The following HERC2 variants were observed in gnomAD, a reference collection of about 807,000 sequenced individuals.
HERC2 encodes the protein E3 ubiquitin-protein ligase HERC2.
HERC2 carries 102 observed loss-of-function variants against 537.7 expected under a neutral mutation model. The ratio of observed to expected loss-of-function variants is 0.19; its 90% confidence interval spans 0.16 to 0.22. The LOEUF (loss-of-function observed/expected upper bound fraction) is 0.22, where lower values mean the gene tolerates loss of function less well. Ranked by LOEUF, HERC2 falls within the 10% of genes least tolerant of loss-of-function variation. The pLI is 1.00. For synonymous variants in HERC2, 2,224 were observed against 2,466.2 expected (o/e 0.90, Z 2.91); for missense variants, 4,236 against 6,198.2 (o/e 0.68, Z 10.63).
intron 21 of HERC2, among the ~76,000 whole-genome samples, chr15:28,247,452 G>A (rs568980404): frequency 6.6e-5 from 7 of 106,336 alleles, no homozygotes; most frequent in East Asian, 3.1e-4. Context: ...TTTTGAGACC[G>A]AGTTTCACTC....
chr15:28,274,455 C>T lies in HERC2; in HGVS notation c.644-8G>A. The T allele has an allele frequency of 6.2e-7, 1 of 1,603,934 alleles. No individual in the cohort carries two copies. Among genetic ancestry groups the T allele is most frequent in the Non-Finnish European group, 8.5e-7 (1 of 1,175,548 alleles). ...AGAGGTCCGCATCCTCGCCTGGGCGCACACACGCGTCAGAGGAGCCCCCCC... is the reference window on the plus strand; with the variant it reads ...AGAGGTCCGCATCCTCGCCTGGGCGTACACACGCGTCAGAGGAGCCCCCCC... On this transcript the variant is annotated splice_polypyrimidine_tract_variant and splice_region_variant and intron_variant, in intron 6 of 92. Transcript: ENST00000261609.
chr15:28,168,614 T>C lies in HERC2; in HGVS notation c.10230-24A>G, dbSNP rs1056977099. 2.5e-6 allele frequency: 4 copies of C among 1,602,848 alleles called. No individual in the cohort carries two copies. The African/African-American group carries it at 4.0e-5, about 16-fold the overall frequency. ...CTCTGTCAGGACACAAAGCCAGGCCTGTGGTGAGCTGCCCCTTCTCCACTG... is the reference window on the plus strand; with the variant it reads ...CTCTGTCAGGACACAAAGCCAGGCCCGTGGTGAGCTGCCCCTTCTCCACTG... On this transcript the variant is annotated intron_variant, in intron 66 of 92. Coordinates refer to ENST00000261609, the MANE Select transcript of HERC2 (RefSeq NM_004667.6).
chr15:28,303,416 C>T (rs908366318), intron 2 of HERC2, among the ~76,000 whole-genome samples: 1 of 152,074 alleles, frequency 6.6e-6, no homozygotes, highest in Non-Finnish European at 1.5e-5. Context: ...TTCTAGTAAA[C>T]TTTGCACTTG....
chr15:28,198,831 T>G, intron 48 of HERC2, 62 bp from the exon 49 acceptor site: 1 of 1,403,104 alleles, frequency 7.1e-7, no homozygotes, highest in African/African-American at 1.4e-5. Context: ...TGAGCCATGA[T>G]AAGTAGTATT....
At chr15:28,212,055 C>G (rs1437417082) in intron 43 of HERC2, among the ~76,000 whole-genome samples, 1 of 152,168 alleles carries the variant, frequency 6.6e-6, no homozygotes, top group Admixed American at 6.5e-5. Flanking sequence ...GCAAGCCAGG[C>G]GCTTCCGGGA....
rs986278028 is a variant in HERC2 at position 28,238,619 on chromosome 15, G to A, written c.3731C>T (p.Thr1244Ile). Residue 1244 changes from threonine (T) to isoleucine (I), a missense_variant, in exon 24 of 93, where the codon ACA becomes ATA. Thr to Ile is a moderately conservative substitution (Grantham distance 89). This residue lies in a region of HERC2 where 754 missense variants were observed against 1,085.0 expected (regional missense o/e 0.69). Transcript: ENST00000261609. Reference protein sequence around the residue: ...DIKDFQTQSLTGNSILAQFAG... With the variant: ...DIKDFQTQSLIGNSILAQFAG... ...AATCTTACCAAGAATACTATTTCCT[G>A]TTAACGACTGTGTCTGGAAGTCCTT... is the stretch of plus-strand genomic sequence containing the variant. 6.2e-7 allele frequency: 1 copy of A among 1,610,842 alleles called. No homozygotes were observed. Among genetic ancestry groups the A allele is most frequent in the Non-Finnish European group, 8.5e-7 (1 of 1,179,042 alleles).
intron 35 of HERC2, 27 bp downstream of exon 35, chr15:28,228,191 A>C (rs758222873): frequency 6.2e-7 from 1 of 1,600,598 alleles, no homozygotes; most frequent in Non-Finnish European, 8.5e-7. Context: ...CATTTTCCCA[A>C]AGGCGCTCAA....
chr15:28,134,443 T>C (rs1890408424), intron 79 of HERC2, among the ~76,000 whole-genome samples: 1 of 152,220 alleles, frequency 6.6e-6, no homozygotes, highest in Admixed American at 6.5e-5. Flanking sequence ...ACAATCTAGA[T>C]GCCTTTTATT....
At chr15:28,253,835 G>A (rs756883857) in intron 20 of HERC2, among the ~76,000 whole-genome samples, 15 of 151,918 alleles carry the variant, frequency 9.9e-5, no homozygotes, top group Non-Finnish European at 1.6e-4. Flanking sequence ...GGTTGCGGAC[G>A]CCTGTAGTCC....
intron 34 of HERC2, among the ~76,000 whole-genome samples, chr15:28,228,812 G>A (rs1460755557): frequency 6.6e-6 from 1 of 152,138 alleles, no homozygotes; most frequent in Non-Finnish European, 1.5e-5. Flanking sequence ...GAATACTCTG[G>A]TGCCCTATTC....
At chr15:28,293,381 T>C (rs1373951473) in intron 3 of HERC2, among the ~76,000 whole-genome samples, 2 of 150,818 alleles carry the variant, frequency 1.3e-5, no homozygotes, top group East Asian at 3.9e-4. Context: ...TAGTCCCAGC[T>C]ACTCAGGAGG....
In HERC2 at chr15:28,198,386, A is replaced by G; in HGVS notation, c.8003T>C (p.Val2668Ala). The G allele has an allele frequency of 6.2e-7, 1 of 1,611,502 alleles. No individual in the cohort carries two copies. Among genetic ancestry groups the G allele is most frequent in the Non-Finnish European group, 8.5e-7 (1 of 1,179,704 alleles). ...TACCCAGATAATATTACCTTTCACA[A>G]CCCCCACACTCTGATGAGTCACAGA... The part of the protein sequence containing the change: ...WGSVTHQSVG[V>A]VKAFSANGKD... Residue 2668 changes from valine (V) to alanine (A), a missense_variant, in exon 50 of 93, where the codon GTT becomes GCT. Transcript: ENST00000261609.
intron 2 of HERC2, chr15:28,315,958 A>G (rs1474616356): frequency 1.5e-5 from 6 of 393,502 alleles, no homozygotes; most frequent in Non-Finnish European, 2.5e-5. Flanking sequence ...CAAAATGCCC[A>G]TGTTGGACCT....
intron 9 of HERC2, 25 bp downstream of exon 9, chr15:28,272,190 C>A: frequency 6.4e-7 from 1 of 1,559,700 alleles, no homozygotes; most frequent in Non-Finnish European, 8.7e-7. Flanking sequence ...GCCACCTAAA[C>A]ACAAAGTTCC....
rs2525908 is a variant in HERC2, at chr15:28,217,272, T to A, written c.6028+1217A>T. 5.0e-4 allele frequency among the ~76,000 whole-genome samples: 76 copies of A among 152,056 alleles called. No homozygotes were observed. In the East Asian group the frequency reaches 0.01, roughly 21 times the overall value. On this transcript the variant is annotated intron_variant, in intron 38 of 92. Coordinates refer to ENST00000261609, the MANE Select transcript of HERC2 (RefSeq NM_004667.6). The stretch of plus-strand genomic sequence containing the variant: ...TCACACACACACTGGCTCAATGCAC[T>A]GACGCTTTCACTCCCACTTCACCTG...
intron 38 of HERC2, among the ~76,000 whole-genome samples, 155 bp downstream of exon 38, chr15:28,218,334 A>G (rs964019930): frequency 2.0e-5 from 3 of 151,674 alleles, no homozygotes; most frequent in Non-Finnish European, 4.4e-5. Flanking sequence ...AACCGTGAGA[A>G]TTTCTACTGT....
rs1189477111 is a variant in HERC2 at position 28,111,508 on chromosome 15, C to T, written c.*255G>A. ...ATAAACATTTACACACTTTAGTAAA[C>T]ACAGTCCTACATGTAATGCAGCATT... is the stretch of plus-strand genomic sequence containing the variant. On this transcript the variant is annotated 3_prime_UTR_variant, in exon 93 of 93. Transcript: ENST00000261609. The T allele has an allele frequency of 7.9e-6, 4 of 508,572 alleles. No individual in the cohort carries two copies. The highest frequency in any genetic ancestry group is 1.4e-5 in the Non-Finnish European group (4 of 289,516). 31.5% of individuals were successfully genotyped at this position (508,572 alleles called of 1,614,324 possible). A position where few individuals can be genotyped will look rare whatever the true frequency, so the allele number is the denominator to read the frequency against.
intron 23 of HERC2, among the ~76,000 whole-genome samples, chr15:28,242,952 T>G (rs540871035): frequency 2.0e-5 from 3 of 152,276 alleles, no homozygotes; most frequent in Admixed American, 6.5e-5. Context: ...CATCATACTT[T>G]GTGTGTGAAA....
At chr15:28,189,329 C>T (rs892532100) in intron 55 of HERC2, among the ~76,000 whole-genome samples, 19 of 152,040 alleles carry the variant, frequency 1.2e-4, no homozygotes, top group African/African-American at 3.6e-4. Context: ...ATATCTTTTA[C>T]GAATGATAAT....
Sources: gnomAD v4.1 joint callset for allele counts (sites outside exome capture counted in the v4.1 genomes callset) on GRCh38, gnomAD v4.1.1 for gene constraint, gnomAD v4.1.1 regional missense constraint, MANE v1.5 for transcripts, NCBI Gene and HGNC (gene_info 2026-07-23, HGNC 2026-07-21) for gene names.